Variants in NDC80 observed in about 807,000 individuals in gnomAD.
The protein encoded by NDC80 is NDC80 kinetochore complex component.
In NDC80, 69 loss-of-function variants were observed where a neutral mutation model predicts 89.3. That is an observed-to-expected ratio of 0.77 (90% CI 0.64 to 0.94). The LOEUF (loss-of-function observed/expected upper bound fraction) is 0.94, where lower values mean the gene tolerates loss of function less well. Among genes scored for constraint, NDC80 ranks in the 40% least tolerant of loss-of-function variants. The pLI is 0.00. For missense variants in NDC80, 593 were observed against 739.6 expected (o/e 0.80, Z 2.30); for synonymous variants, 243 against 255.6 (o/e 0.95, Z 0.47).
At chr18:2,609,076 A>G (rs1211756645) in intron 15 of NDC80, among the ~76,000 whole-genome samples, 1 of 152,206 alleles carries the variant, frequency 6.6e-6, no homozygotes, top group Non-Finnish European at 1.5e-5. Context: ...TCTAGTTAAT[A>G]CATGGCTTTT....
intron 7 of NDC80, among the ~76,000 whole-genome samples, chr18:2,585,644 GT>G (rs1475361871): frequency 2.6e-5 from 4 of 151,768 alleles, no homozygotes; most frequent in African/African-American, 9.7e-5. Context: ...CTGTAGAGTT[GT>G]TTTTTTGCTT....
At position 2,610,324 on chromosome 18, in the gene NDC80, C is replaced by T. The variant is rs147133682; in HGVS notation, c.1689-435C>T. Among the ~76,000 whole-genome samples, 16 of 152,280 alleles carry T rather than the reference C, an allele frequency of 1.1e-4. No individual in the cohort carries two copies. The East Asian group carries it at 3.1e-3, about 29-fold the overall frequency. On this transcript the variant is annotated intron_variant, in intron 15 of 16. Transcript: ENST00000261597. ...AAGCCTTGTGAAAGTCATTTCTCTT[C>T]ACTTCTTTATTTGTAGGCCAAGGGG...
At chr18:2,583,046 C>T (rs1208324731) in intron 6 of NDC80, among the ~76,000 whole-genome samples, 1 of 152,222 alleles carries the variant, frequency 6.6e-6, no homozygotes, top group Admixed American at 6.5e-5. Flanking sequence ...TCCCAGATCC[C>T]TCTGTGTCCT....
At chr18:2,580,620 T>C (rs1388149327) in intron 6 of NDC80, among the ~76,000 whole-genome samples, 1 of 150,674 alleles carries the variant, frequency 6.6e-6, no homozygotes, top group African/African-American at 2.4e-5. Flanking sequence ...AGCCCATTAA[T>C]AAAAATCCAA....
At chr18:2,599,197 A>G (rs2072672027) in intron 12 of NDC80, 26 bp downstream of exon 12, 1 of 1,577,822 alleles carries the variant, frequency 6.3e-7, no homozygotes, top group Non-Finnish European at 8.6e-7. Flanking sequence ...TACTTTTAAG[A>G]TTTTTTTAAT....
chr18:2,603,260 A>G (rs758436390), intron 13 of NDC80, among the ~76,000 whole-genome samples: 7 of 151,838 alleles, frequency 4.6e-5, no homozygotes, highest in Non-Finnish European at 1.0e-4. Flanking sequence ...GAGTAACAAC[A>G]TTTAAGGGAC....
intron 11 of NDC80, among the ~76,000 whole-genome samples, chr18:2,596,275 A>G (rs1249770423): frequency 6.6e-6 from 1 of 152,194 alleles, no homozygotes; most frequent in Non-Finnish European, 1.5e-5. Flanking sequence ...CAACCTACTC[A>G]TCTGACAAAG....
chr18:2,591,722 T>C (rs2143647702), intron 10 of NDC80, among the ~76,000 whole-genome samples: 1 of 151,856 alleles, frequency 6.6e-6, no homozygotes, highest in South Asian at 2.1e-4. Context: ...TAAATTATTA[T>C]TATAATAATT....
At position 2,590,161 on chromosome 18, in the gene NDC80, A is replaced by C. The variant is rs34616574; in HGVS notation, c.1014A>C (p.Val338=). 6.3e-7 allele frequency: 1 copy of C among 1,586,972 alleles called. No individual in the cohort carries two copies. The highest frequency in any genetic ancestry group is 1.4e-5 in the African/African-American group (1 of 73,650). The change falls in exon 10 of 17, where the codon GTA becomes GTC. Residue 338 remains valine, a splice_region_variant and synonymous_variant. Transcript: ENST00000261597. ...GTCTCAATGAGGAAATTGCTAGAGT[A>C]GGTAAGCAGAGCTAATGCTAAAAGA... The part of the protein sequence containing the change: ...LNGLNEEIAR[V]ELECETIKQE...
At chr18:2,587,801 T>C in intron 7 of NDC80, 29 bp from the exon 8 acceptor site, 2 of 1,550,166 alleles carry the variant, frequency 1.3e-6, no homozygotes, top group Non-Finnish European at 1.8e-6. Context: ...AATCATAACT[T>C]TGTTTCTAAA....
At chr18:2,605,497 T>C (rs1761523610) in intron 13 of NDC80, among the ~76,000 whole-genome samples, 1 of 152,190 alleles carries the variant, frequency 6.6e-6, no homozygotes, top group Admixed American at 6.5e-5. Flanking sequence ...GAGTATCTGT[T>C]GTTGTTATTA....
At chr18:2,598,974 G>A in intron 11 of NDC80, 45 bp from the exon 12 acceptor site, 1 of 1,437,480 alleles carries the variant, frequency 7.0e-7, no homozygotes, top group South Asian at 1.7e-5. Flanking sequence ...AAAAACATAT[G>A]GAATGGGGCT....
rs1349721584 is a variant in NDC80, at chr18:2,580,869, T to C, written c.579+1840T>C. ...CAGTTCTCTGCCTCAGCCTCCCGAG[T>C]AGCTGGGATTATAGGCACCCGCCAT... On this transcript the variant is annotated intron_variant, in intron 6 of 16. Coordinates refer to ENST00000261597, the MANE Select transcript of NDC80 (RefSeq NM_006101.3). Among the ~76,000 whole-genome samples, 3 of 149,516 alleles carry C rather than the reference T, an allele frequency of 2.0e-5. No homozygotes were observed. The Admixed American group carries it at 2.0e-4, about 10-fold the overall frequency.
At chr18:2,578,418 T>TA (rs950140882) in intron 5 of NDC80, among the ~76,000 whole-genome samples, 12 of 151,106 alleles carry the variant, frequency 7.9e-5, no homozygotes, top group Middle Eastern at 3.4e-3. Flanking sequence ...TTTCTTTGTT[T>TA]AAAAAAAAAC....
intron 3 of NDC80, 109 bp downstream of exon 3, chr18:2,575,175 A>G: frequency 1.2e-6 from 1 of 801,418 alleles, no homozygotes. Context: ...GAGAAAAGTT[A>G]TAATCTAGTT....
At chr18:2,591,515 G>C (rs1428267993) in intron 10 of NDC80, among the ~76,000 whole-genome samples, 1 of 151,630 alleles carries the variant, frequency 6.6e-6, no homozygotes, top group Non-Finnish European at 1.5e-5. Context: ...TTAGTCTATG[G>C]AGTATTGATT....
rs1568010167 is a variant in NDC80 at position 2,605,270 on chromosome 18, ATGTATGTGTGTGTGTGTG to A, written c.1465-1141_1465-1124del. Among the ~76,000 whole-genome samples, 272 of 98,204 alleles carry A rather than the reference ATGTATGTGTGTGTGTGTG, an allele frequency of 2.8e-3. 3 individuals carry two copies. The highest frequency in any genetic ancestry group is 0.01 in the African/African-American group (263 of 26,266). 64.4% of individuals were successfully genotyped at this position (98,204 alleles called of 152,430 possible). ...AGGCAATTGGAGTCGGGCGGGCTAT[ATGTATGTGTGTGTGTGTG>A]TGTGTGTGTGTGTGTGTGTGTGTGT... On this transcript the variant is annotated intron_variant, in intron 13 of 16. Coordinates refer to ENST00000261597, the MANE Select transcript of NDC80 (RefSeq NM_006101.3).
At chr18:2,585,350 A>G in intron 7 of NDC80, 148 bp downstream of exon 7, 1 of 618,928 alleles carries the variant, frequency 1.6e-6, no homozygotes, top group Non-Finnish European at 2.8e-6. Flanking sequence ...CATTTAATAC[A>G]CTTAACCTGC....
chr18:2,614,407 A>C (rs553571918), intron 16 of NDC80: 1 of 196,684 alleles, frequency 5.1e-6, no homozygotes, highest in African/African-American at 2.4e-5. Context: ...ACTGCACTCC[A>C]GCCTGGCTAC....
Sources: gnomAD v4.1 joint callset for allele counts (sites outside exome capture counted in the v4.1 genomes callset) on GRCh38, gnomAD v4.1.1 for gene constraint, MANE v1.5 for transcripts, NCBI Gene and HGNC (gene_info 2026-07-23, HGNC 2026-07-21) for gene names.